The following RYR1 variants were observed in gnomAD, a reference collection of about 807,000 sequenced individuals.
The protein encoded by RYR1 is ryanodine receptor 1.
Under a neutral mutation model 583.5 loss-of-function variants are expected in RYR1, and 342 were observed. The observed-to-expected ratio is 0.59, with a 90% CI of 0.54 to 0.64. RYR1 has a LOEUF of 0.64. Among genes scored for constraint, RYR1 ranks in the 30% least tolerant of loss-of-function variants. RYR1 has a pLI of 0.00. For missense variants in RYR1, 6,032 were observed against 6,917.2 expected, an observed-to-expected ratio of 0.87 and a Z score of 4.54; for synonymous variants, 2,791 against 2,822.5, an observed-to-expected ratio of 0.99 and a Z score of 0.35.
At chr19:38,537,325 C>T (rs1335664585) in intron 83 of RYR1, among the ~76,000 whole-genome samples, 2 of 152,166 alleles carry the variant, frequency 1.3e-5, no homozygotes, top group Admixed American at 6.5e-5. Flanking sequence ...TTGCTTCTTT[C>T]AGATGCCCAT....
chr19:38,537,358 G>A (rs370265108), intron 83 of RYR1, among the ~76,000 whole-genome samples: 9 of 152,048 alleles, frequency 5.9e-5, no homozygotes, highest in South Asian at 4.2e-4. Flanking sequence ...TTGTTTACAC[G>A]CCTCCCCTGT....
chr19:38,503,632 G>C (rs1238960352), intron 49 of RYR1, among the ~76,000 whole-genome samples: 1 of 152,228 alleles, frequency 6.6e-6, no homozygotes, highest in Middle Eastern at 3.4e-3. Context: ...AATAAGCCAG[G>C]CATAGTGGAG....
At chr19:38,546,062 A>G (rs753431580) in intron 87 of RYR1, among the ~76,000 whole-genome samples, 2 of 151,986 alleles carry the variant, frequency 1.3e-5, no homozygotes, top group African/African-American at 2.4e-5. Context: ...ACATCTGTCA[A>G]TCCCACCGTA....
intron 58 of RYR1, 80 bp downstream of exon 58, chr19:38,507,907 G>C (rs993105058): frequency 1.3e-5 from 11 of 830,374 alleles, no homozygotes; most frequent in African/African-American, 6.7e-5. Context: ...TAGGACACCT[G>C]TTCATGCACT....
chr19:38,490,422 C>G, intron 36 of RYR1, 146 bp downstream of exon 36: 1 of 914,008 alleles, frequency 1.1e-6, no homozygotes, highest in East Asian at 2.6e-5. Flanking sequence ...CTCTCTGAAT[C>G]AACCTGACCT....
chr19:38,433,939 C>A, intron 1 of RYR1, 65 bp downstream of exon 1: 1 of 1,397,052 alleles, frequency 7.2e-7, no homozygotes, highest in Non-Finnish European at 1.0e-6. Context: ...GTCTCTCTGT[C>A]TCTGAATGTC....
At chr19:38,467,530 C>G in intron 24 of RYR1, 80 bp from the exon 25 acceptor site, 1 of 1,464,446 alleles carries the variant, frequency 6.8e-7, no homozygotes, top group Non-Finnish European at 9.6e-7. Flanking sequence ...TCCCCCAAAG[C>G]CTGTCTTCTA....
intron 101 of RYR1, among the ~76,000 whole-genome samples, chr19:38,580,982 T>TC (rs1222666533): frequency 6.7e-6 from 1 of 149,152 alleles, no homozygotes; most frequent in Admixed American, 6.9e-5. Context: ...CACTGCAACC[T>TC]CCGCTTCCTG....
chr19:38,539,671 C>T (rs916457608), intron 84 of RYR1, among the ~76,000 whole-genome samples: 1 of 152,150 alleles, frequency 6.6e-6, no homozygotes, highest in Non-Finnish European at 1.5e-5. Context: ...TGTCTCCCAA[C>T]ATATTTGCAA....
rs745885315 is a variant in RYR1 at position 38,502,654 on chromosome 19, C to T, written c.7762C>T (p.Arg2588Cys). The change falls in exon 48 of 106, where the codon CGC becomes TGC. Residue 2588 changes from arginine (R) to cysteine (C), a missense_variant. Physicochemically the swap from Arg to Cys is radical, Grantham distance 180. Coordinates refer to ENST00000359596, the MANE Select transcript of RYR1 (RefSeq NM_000540.3). ...MVDSMLHTVY[R>C]LSRGRSLTKA... ...GGACTCTATGCTGCATACCGTGTACCGCCTGTCTCGGGGTCGTTCGCTCAC... is the reference window on the plus strand; with the variant it reads ...GGACTCTATGCTGCATACCGTGTACTGCCTGTCTCGGGGTCGTTCGCTCAC... 5 of 1,612,492 alleles carry T rather than the reference C, an allele frequency of 3.1e-6. No homozygotes were observed. The highest frequency in any genetic ancestry group is 1.6e-4 in the Middle Eastern group (1 of 6,062).
At chr19:38,497,153 G>T (rs78198817) in intron 42 of RYR1, among the ~76,000 whole-genome samples, 199 bp downstream of exon 42, 2 of 151,960 alleles carry the variant, frequency 1.3e-5, no homozygotes, top group Admixed American at 6.6e-5. Context: ...GCTGTGGGCC[G>T]GTCCGCACTC....
chr19:38,536,842 G>T (rs996395751), intron 83 of RYR1, 75 bp downstream of exon 83: 4 of 1,502,646 alleles, frequency 2.7e-6, no homozygotes, highest in Non-Finnish European at 3.7e-6. Flanking sequence ...CCTCCACCTA[G>T]GGGCTGAGGA....
chr19:38,474,487 T>C (rs1019403072), intron 28 of RYR1, among the ~76,000 whole-genome samples: 2 of 149,952 alleles, frequency 1.3e-5, no homozygotes, highest in Non-Finnish European at 3.0e-5. Context: ...GGTCTCAAAC[T>C]CCTGACCTCA....
chr19:38,528,602 C>T lies in RYR1; in HGVS notation c.10941C>T (p.His3647=). ...ACGTCACACCTCTCCCCTGCAGGCACCGGGCATGTAACATGTTCCTGGAGA... is the reference window on the plus strand; with the variant it reads ...ACGTCACACCTCTCCCCTGCAGGCATCGGGCATGTAACATGTTCCTGGAGA... The part of the protein sequence containing the change: ...RMTPLYNLPT[H]RACNMFLESY... The change falls in exon 75 of 106, where the codon CAC becomes CAT. Residue 3647 remains histidine (H), a synonymous_variant. Coordinates refer to ENST00000359596, the MANE Select transcript of RYR1 (RefSeq NM_000540.3). The T allele has an allele frequency of 6.2e-7, 1 of 1,614,130 alleles. No individual in the cohort carries two copies. The highest frequency in any genetic ancestry group is 8.5e-7 in the Non-Finnish European group (1 of 1,180,004).
rs1972428404 is a variant in RYR1 at position 38,546,433 on chromosome 19, TG to T, written c.12013-9del. Reference sequence around the variant, plus strand: ...ATGCTGAGACCAGCCCTCACCGAGCTGGGATCTCTAGGACTCAAGCCAGATC... The same window carrying T: ...ATGCTGAGACCAGCCCTCACCGAGCTGGATCTCTAGGACTCAAGCCAGATC... On this transcript the variant is annotated splice_polypyrimidine_tract_variant and intron_variant, in intron 87 of 105. Coordinates refer to ENST00000359596, the MANE Select transcript of RYR1 (RefSeq NM_000540.3). 6.2e-7 allele frequency: 1 copy of T among 1,613,040 alleles called. No individual in the cohort carries two copies. The highest frequency in any genetic ancestry group is 1.3e-5 in the African/African-American group (1 of 74,836).
chr19:38,499,922 C>A lies in RYR1; in HGVS notation c.7229C>A (p.Pro2410Gln). 6.2e-7 allele frequency: 1 copy of A among 1,614,118 alleles called. No individual in the cohort carries two copies. Among genetic ancestry groups the A allele is most frequent in the African/African-American group, 1.3e-5 (1 of 75,032 alleles). Residue 2410 changes from proline to glutamine, a missense_variant, in exon 45 of 106, where the codon CCG (proline) becomes CAG (glutamine). Around this residue, in one of 11 missense-constraint regions of RYR1, gnomAD observed 2,627 missense variants for 2,961.3 expected, o/e 0.89. Coordinates refer to ENST00000359596, the MANE Select transcript of RYR1 (RefSeq NM_000540.3). This position sits in a 1 kb window ranked among gnomAD's most constrained non-coding sequence, Gnocchi z 7.3. ...CTTCCCTGCAGCTTTGGTGAGGAACCGCCTGAAGAAAACCGGGTGCACCTG... is the reference window on the plus strand; with the variant it reads ...CTTCCCTGCAGCTTTGGTGAGGAACAGCCTGAAGAAAACCGGGTGCACCTG... ...DRRREHFGEE[P>Q]PEENRVHLGH... is the part of the protein sequence containing the mutation.
intron 66 of RYR1, 139 bp from the exon 67 acceptor site, chr19:38,519,075 A>G: frequency 7.3e-7 from 1 of 1,378,618 alleles, no homozygotes; most frequent in Admixed American, 1.7e-5. Flanking sequence ...TTCAGGGACT[A>G]TATCCAAGGT....
intron 70 of RYR1, 67 bp downstream of exon 70, chr19:38,523,996 C>T (rs546756637): frequency 9.5e-6 from 15 of 1,579,386 alleles, no homozygotes; most frequent in South Asian, 2.2e-5. Flanking sequence ...AGCCTCTGCA[C>T]GCCCCCGCCT....
At position 38,546,493 on chromosome 19, in the gene RYR1, G is replaced by A. The variant is rs2145784423; in HGVS notation, c.12061G>A (p.Asp4021Asn). The stretch of plus-strand genomic sequence containing the variant: ...GAAGGAGCTGCTGGATCTGCAGAAG[G>A]ACATGGTGGTGATGTTGCTGTCGCT... ...LLKELLDLQK[D>N]MVVMLLSLLE... The change falls in exon 88 of 106, where the codon GAC becomes AAC. Residue 4021 changes from aspartate (D) to asparagine (N), a missense_variant. Asp to Asn is a conservative substitution (Grantham distance 23). Transcript: ENST00000359596. 1 of 1,613,760 alleles carries A rather than the reference G, an allele frequency of 6.2e-7. No homozygotes were observed. The highest frequency in any genetic ancestry group is 8.5e-7 in the Non-Finnish European group (1 of 1,179,972).
Sources: gnomAD v4.1 joint callset for allele counts (sites outside exome capture counted in the v4.1 genomes callset) on GRCh38, gnomAD v4.1.1 for gene constraint, gnomAD v4.1.1 regional missense constraint, Gnocchi (gnomAD v3.1) non-coding constraint, MANE v1.5 for transcripts, NCBI Gene and HGNC (gene_info 2026-07-23, HGNC 2026-07-21) for gene names.